The following ZPBP variants were observed in gnomAD, a reference collection of about 807,000 sequenced individuals.
ZPBP encodes zona pellucida-binding protein 1.
ZPBP carries 26 observed loss-of-function variants against 44.8 expected under a neutral mutation model. The ratio of observed to expected loss-of-function variants is 0.58; its 90% CI spans 0.43 to 0.81. The LOEUF (loss-of-function observed/expected upper bound fraction) is 0.81, where lower values mean the gene tolerates loss of function less well. Ranked by LOEUF, ZPBP falls within the 30% of genes least tolerant of loss-of-function variation. ZPBP has a pLI of 0.00. For missense variants in ZPBP, 409 were observed against 434.0 expected (o/e 0.94, Z 0.51); for synonymous variants, 174 against 153.2 (o/e 1.14, Z -1.00).
chr7:49,990,855 CTAACAAGATTAGT>C (rs972967951), intron 6 of ZPBP, among the ~76,000 whole-genome samples: 3 of 152,124 alleles, frequency 2.0e-5, no homozygotes, highest in Non-Finnish European at 2.9e-5. Flanking sequence ...AACAAGAAGT[CTAACAAGATTAGT>C]TAACAAGATT....
downstream of ZPBP, among the ~76,000 whole-genome samples, chr7:49,932,608 CTTGTCTCAGA>C (rs1344834601): frequency 6.6e-6 from 1 of 152,120 alleles, no homozygotes; most frequent in Admixed American, 6.5e-5. Flanking sequence ...AGGGACTTGC[CTTGTCTCAGA>C]TTGAGTTAAT....
chr7:49,959,582 A>G (rs970361382), intron 7 of ZPBP, among the ~76,000 whole-genome samples: 3 of 152,170 alleles, frequency 2.0e-5, no homozygotes, highest in Non-Finnish European at 4.4e-5. Context: ...TGAAAACTAC[A>G]AAACATCCCA....
intron 5 of ZPBP, among the ~76,000 whole-genome samples, chr7:50,024,477 A>G (rs1799236042): frequency 6.6e-6 from 1 of 151,802 alleles, no homozygotes; most frequent in Non-Finnish European, 1.5e-5. Flanking sequence ...ACACACACAC[A>G]CAGAGGAATA....
chr7:50,087,548 T>C (rs1048066486), intron 2 of ZPBP, among the ~76,000 whole-genome samples: 1 of 151,976 alleles, frequency 6.6e-6, no homozygotes, highest in African/African-American at 2.4e-5. Flanking sequence ...AACTCACAGA[T>C]AACATCATAC....
chr7:49,850,817 G>A (rs1022544049), intron 2 of ZPBP, among the ~76,000 whole-genome samples: 1 of 152,178 alleles, frequency 6.6e-6, no homozygotes, highest in African/African-American at 2.4e-5. Flanking sequence ...TACTCAGCAA[G>A]CATGTACTGC....
chr7:50,047,471 T>C (rs992551455), intron 4 of ZPBP, among the ~76,000 whole-genome samples: 1 of 151,738 alleles, frequency 6.6e-6, no homozygotes, highest in Admixed American at 6.6e-5. Context: ...ACATATACAA[T>C]GTGGGGAAAA....
intron 3 of ZPBP, among the ~76,000 whole-genome samples, chr7:50,076,246 AC>A (rs1802073492): frequency 6.6e-6 from 1 of 151,954 alleles, no homozygotes; most frequent in Admixed American, 6.6e-5. Context: ...CCCAAAAAAA[AC>A]TGAGTATAGA....
At chr7:49,967,362 T>A (rs962125939) in intron 7 of ZPBP, among the ~76,000 whole-genome samples, 2 of 152,204 alleles carry the variant, frequency 1.3e-5, no homozygotes, top group African/African-American at 4.8e-5. Flanking sequence ...CCTTGTTTTC[T>A]AGGATCATAT....
Position 49,938,271 on chromosome 7 carries a change from C to G in ZPBP, c.962-649G>C, listed in dbSNP as rs1396545844. Among the ~76,000 whole-genome samples, 3 of 152,134 alleles carry G rather than the reference C, an allele frequency of 2.0e-5. No individual in the cohort carries two copies. In the East Asian group the frequency reaches 5.8e-4, roughly 29 times the overall value. ...TCTAATAATCTCCTGATTTCAAGTC[C>G]TATTTCTACCACTTGCTAAATGTGC... On this transcript the variant is annotated intron_variant, in intron 7 of 7. Coordinates refer to ENST00000046087, the MANE Select transcript of ZPBP (RefSeq NM_007009.3).
intron 3 of ZPBP, among the ~76,000 whole-genome samples, chr7:50,068,356 C>T (rs1012976798): frequency 2.0e-5 from 3 of 152,082 alleles, no homozygotes; most frequent in Admixed American, 2.0e-4. Context: ...TTTCTCCTGA[C>T]ACTTTATAGC....
chr7:49,912,273 GA>G (rs1307004628), intron 1 of ZPBP: 2 of 1,377,972 alleles, frequency 1.5e-6, no homozygotes, highest in African/African-American at 1.4e-5. Flanking sequence ...ATCAGTCAAA[GA>G]AGACTTTTGA....
intron 1 of ZPBP, among the ~76,000 whole-genome samples, chr7:49,906,621 C>T (rs1298738754): frequency 1.3e-5 from 2 of 152,158 alleles, no homozygotes; most frequent in East Asian, 3.9e-4. Context: ...CAGGCGTGAG[C>T]CACCGCACCC....
chr7:50,007,359 T>C (rs1185952797), intron 6 of ZPBP, among the ~76,000 whole-genome samples: 2 of 151,838 alleles, frequency 1.3e-5, no homozygotes, highest in African/African-American at 4.8e-5. Flanking sequence ...AAAGCCTGAG[T>C]AGACCTGTAA....
intron 2 of ZPBP, among the ~76,000 whole-genome samples, chr7:49,868,597 A>C (rs928627634): frequency 6.6e-5 from 10 of 152,324 alleles, no homozygotes; most frequent in Non-Finnish European, 1.5e-4. Flanking sequence ...CAACATTTAA[A>C]TGTAATGATC....
At chr7:50,000,454 G>A (rs371399592) in intron 6 of ZPBP, among the ~76,000 whole-genome samples, 1 of 152,214 alleles carries the variant, frequency 6.6e-6, no homozygotes, top group East Asian at 1.9e-4. Flanking sequence ...ATTAAGTAGA[G>A]ATCTGCAATT....
At chr7:50,036,782 A>G (rs1351511904) in intron 4 of ZPBP, among the ~76,000 whole-genome samples, 4 of 152,100 alleles carry the variant, frequency 2.6e-5, no homozygotes, top group African/African-American at 7.2e-5. Context: ...TAGAAAGAAA[A>G]TAAGTGAGCT....
At chr7:50,012,814 T>C (rs1467938816) in intron 6 of ZPBP, among the ~76,000 whole-genome samples, 2 of 151,082 alleles carry the variant, frequency 1.3e-5, no homozygotes, top group African/African-American at 4.9e-5. Context: ...AATACATAAA[T>C]AAAATGTACA....
intron 6 of ZPBP, among the ~76,000 whole-genome samples, chr7:50,005,511 A>T (rs947434076): frequency 2.0e-5 from 3 of 152,066 alleles, no homozygotes; most frequent in African/African-American, 7.2e-5. Context: ...GCTATAAAGG[A>T]GTATAGATTT....
chr7:49,987,877 G>A (rs946912454), intron 6 of ZPBP, among the ~76,000 whole-genome samples: 5 of 152,060 alleles, frequency 3.3e-5, no homozygotes, highest in South Asian at 2.1e-4. Context: ...TTTAGTTCAC[G>A]TGACATTAAT....
Sources: gnomAD v4.1 joint callset for allele counts (sites outside exome capture counted in the v4.1 genomes callset) on GRCh38, gnomAD v4.1.1 for gene constraint, MANE v1.5 for transcripts, NCBI Gene and HGNC (gene_info 2026-07-23, HGNC 2026-07-21) for gene names.